PVT1: variants seen among roughly 807,000 people sequenced by gnomAD.
PVT1 encodes the protein CXCR4/PVT1 fusion.
intron 4 of PVT1, among the ~76,000 whole-genome samples, chr8:128,045,756 G>T (rs1340148562): frequency 1.3e-5 from 2 of 152,198 alleles, no homozygotes; most frequent in Admixed American, 6.5e-5. Flanking sequence ...AAGTAGTTCT[G>T]CAGATGACAC....
intron 4 of PVT1, among the ~76,000 whole-genome samples, chr8:127,998,645 CCTTT>C (rs1400072153): frequency 6.9e-6 from 1 of 145,062 alleles, no homozygotes; most frequent in Non-Finnish European, 1.5e-5. Flanking sequence ...CTCCTTCCTT[CCTTT>C]TTCTTCCTTT....
At chr8:127,950,936 G>C (rs2004326) in intron 3 of PVT1, among the ~76,000 whole-genome samples, 7,852 of 152,244 alleles carry the variant, frequency 0.052, 458 homozygotes, top group African/African-American at 0.14. Flanking sequence ...CCTGCTGTGT[G>C]GCCCAGGCTG....
chr8:127,812,674 G>GGGA (rs1814612046), intron 2 of PVT1, among the ~76,000 whole-genome samples: 1 of 150,646 alleles, frequency 6.6e-6, no homozygotes, highest in Non-Finnish European at 1.5e-5. Context: ...GGAGGGAAGG[G>GGGA]AGGAAGGTAG....
intron 3 of PVT1, chr8:127,932,434 C>T (rs774454978): frequency 5.0e-6 from 2 of 398,626 alleles, no homozygotes; most frequent in Non-Finnish European, 8.8e-6. Flanking sequence ...GAACTATTGT[C>T]ACATGAGTTT....
intron 2 of PVT1, among the ~76,000 whole-genome samples, chr8:127,879,697 C>A (rs893926100): frequency 2.0e-5 from 3 of 152,222 alleles, no homozygotes; most frequent in African/African-American, 7.2e-5. Flanking sequence ...TCGTATCTCA[C>A]AGCATTGTTG....
chr8:128,066,867 G>A (rs1013627313), intron 4 of PVT1, among the ~76,000 whole-genome samples: 2 of 152,118 alleles, frequency 1.3e-5, no homozygotes, highest in African/African-American at 2.4e-5. Context: ...TTCTCATTGG[G>A]TTTTAAGGTT....
chr8:127,852,269 G>T (rs958964775), intron 2 of PVT1: 3 of 152,252 alleles, frequency 2.0e-5, no homozygotes, highest in Non-Finnish European at 4.4e-5. Flanking sequence ...AAGCTGCATT[G>T]CGCTAATGCT....
At chr8:127,948,988 A>G (rs1034481086) in intron 3 of PVT1, among the ~76,000 whole-genome samples, 2 of 152,176 alleles carry the variant, frequency 1.3e-5, no homozygotes, top group Non-Finnish European at 2.9e-5. Flanking sequence ...GAAATAGCCG[A>G]CTTTCATCGG....
intron 3 of PVT1, among the ~76,000 whole-genome samples, chr8:127,967,609 C>T (rs986702192): frequency 6.6e-6 from 1 of 152,160 alleles, no homozygotes; most frequent in African/African-American, 2.4e-5. Flanking sequence ...AATAAGGCCT[C>T]GTCAGGAAAG....
chr8:127,961,585 T>C (rs1816643373), intron 3 of PVT1, among the ~76,000 whole-genome samples: 1 of 152,144 alleles, frequency 6.6e-6, no homozygotes, highest in Admixed American at 6.5e-5. Context: ...CATGAGCAAA[T>C]CCAGGTTCTC....
chr8:127,805,798 G>C (rs1380716317), intron 2 of PVT1, among the ~76,000 whole-genome samples: 1 of 152,142 alleles, frequency 6.6e-6, no homozygotes, highest in East Asian at 1.9e-4. Flanking sequence ...GAAATAATAT[G>C]TACTAGAATA....
At chr8:127,819,930 C>G (rs529001777) in intron 2 of PVT1, among the ~76,000 whole-genome samples, 30 of 152,298 alleles carry the variant, frequency 2.0e-4, no homozygotes, top group African/African-American at 7.0e-4. Flanking sequence ...TCTCATCTGG[C>G]AGCTTCAAGG....
chr8:127,958,651 G>A lies in PVT1; in HGVS notation n.783-30511G>A, dbSNP rs572435257. Among the ~76,000 whole-genome samples, 121 of 152,306 alleles carry A rather than the reference G, an allele frequency of 7.9e-4. 1 individual carries two copies. The highest frequency in any genetic ancestry group is 2.8e-3 in the African/African-American group (117 of 41,570). On this transcript the variant is annotated intron_variant and non_coding_transcript_variant, in intron 3 of 10. Coordinates refer to ENST00000651587, the Ensembl canonical transcript of PVT1. ...GAGAGGAGAAAGTCAGGCGCCAGAG[G>A]TAGATGAGAGCCAGGATTTGACCCA...
rs576293638 is a variant in PVT1 at position 128,087,611 on chromosome 8, G to A, written n.1115-8907G>A. On this transcript the variant is annotated intron_variant and non_coding_transcript_variant, in intron 5 of 10. Coordinates refer to ENST00000651587, the Ensembl canonical transcript of PVT1. ...TTAAGCATAACTAAGGGCCCACATC[G>A]TTTTCCAACCCAAAGAATGCCAGGG... Among the ~76,000 whole-genome samples the A allele has an allele frequency of 5.3e-5, 8 of 152,172 alleles. No homozygotes were observed. The East Asian group carries it at 5.8e-4, about 11-fold the overall frequency.
At chr8:127,913,531 G>A (rs1389239930) in intron 3 of PVT1, among the ~76,000 whole-genome samples, 1 of 152,164 alleles carries the variant, frequency 6.6e-6, no homozygotes, top group East Asian at 1.9e-4. Flanking sequence ...GTTCTGTTGG[G>A]CGCTGCTGCT....
chr8:128,074,377 G>A (rs1456593870), intron 5 of PVT1, among the ~76,000 whole-genome samples: 2 of 151,586 alleles, frequency 1.3e-5, no homozygotes, highest in Non-Finnish European at 2.9e-5. Context: ...AAAAAAATTA[G>A]TGGGGTGTGG....
At chr8:128,069,488 G>A (rs1383457845) in intron 4 of PVT1, among the ~76,000 whole-genome samples, 3 of 152,144 alleles carry the variant, frequency 2.0e-5, no homozygotes, top group African/African-American at 7.2e-5. Flanking sequence ...AGGTGCTCCT[G>A]GGTTTCATGA....
At chr8:127,962,351 T>C (rs1414684444) in intron 3 of PVT1, among the ~76,000 whole-genome samples, 1 of 152,240 alleles carries the variant, frequency 6.6e-6, no homozygotes, top group Non-Finnish European at 1.5e-5. Flanking sequence ...TGATCATCGG[T>C]GGCACTGCTT....
At chr8:127,794,909 TGGGGAGGGTGA>T (rs1229664665) in intron 1 of PVT1, among the ~76,000 whole-genome samples, 2 of 147,546 alleles carry the variant, frequency 1.4e-5, no homozygotes, top group African/African-American at 5.0e-5. Context: ...TTTGGGCGTT[TGGGGAGGGTGA>T]GGGGAGGGGG....
Sources: allele counts gnomAD v4.1 joint callset (sites outside exome capture counted in the v4.1 genomes callset), GRCh38; gene constraint gnomAD v4.1.1; transcripts MANE v1.5; gene names NCBI Gene and HGNC (gene_info 2026-07-23, HGNC 2026-07-21).